NUP93: variants seen among roughly 807,000 people sequenced by gnomAD.
NUP93 encodes nucleoporin 93.
Under a neutral mutation model 107.8 loss-of-function variants are expected in NUP93, and 55 were observed. That is an observed-to-expected ratio of 0.51 (90% CI 0.41 to 0.64). NUP93 has a LOEUF of 0.64. Ranked by LOEUF, NUP93 falls within the 30% of genes least tolerant of loss-of-function variation. The pLI is 0.00. For missense variants in NUP93, 937 were observed against 1,044.7 expected (o/e 0.90, Z 1.42); for synonymous variants, 390 against 397.5 (o/e 0.98, Z 0.22).
chr16:56,834,313 T>C, intron 14 of NUP93, 57 bp from the exon 15 acceptor site: 1 of 1,613,472 alleles, frequency 6.2e-7, no homozygotes, highest in Middle Eastern at 1.6e-4. Flanking sequence ...ATTCTGAGAA[T>C]GACTATTAGA....
chr16:56,783,621 G>A (rs1962561277), intron 3 of NUP93: 3 of 985,382 alleles, frequency 3.0e-6, no homozygotes, highest in Non-Finnish European at 3.6e-6. Context: ...GGATGCCAGC[G>A]CCTTCATCAG....
intron 3 of NUP93, among the ~76,000 whole-genome samples, chr16:56,787,868 T>TA (rs1962663370): frequency 6.6e-6 from 1 of 152,210 alleles, no homozygotes; most frequent in African/African-American, 2.4e-5. Context: ...TATCTTATCT[T>TA]GCCCATCACC....
At chr16:56,804,420 C>T (rs1596817775) in intron 4 of NUP93, among the ~76,000 whole-genome samples, 2 of 152,124 alleles carry the variant, frequency 1.3e-5, no homozygotes, top group African/African-American at 4.8e-5. Flanking sequence ...CTCTTAAGGA[C>T]ATTATGCTGA....
intron 8 of NUP93, among the ~76,000 whole-genome samples, chr16:56,826,797 C>T (rs1423991709): frequency 1.3e-5 from 2 of 151,534 alleles, no homozygotes; most frequent in Non-Finnish European, 2.9e-5. Context: ...TCTGTAATCC[C>T]AGCACTTTGA....
At chr16:56,777,714 C>T (rs956839615) in intron 3 of NUP93, among the ~76,000 whole-genome samples, 1 of 152,110 alleles carries the variant, frequency 6.6e-6, no homozygotes, top group East Asian at 1.9e-4. Context: ...AATGAGGAAG[C>T]CAACTTTGGG....
intron 5 of NUP93, among the ~76,000 whole-genome samples, chr16:56,818,153 A>T (rs1315312158): frequency 6.6e-6 from 1 of 152,226 alleles, no homozygotes; most frequent in African/African-American, 2.4e-5. Flanking sequence ...CTGGTCTCAC[A>T]TCTTCAGATA....
At chr16:56,765,974 T>TA (rs1158589341) in intron 3 of NUP93, among the ~76,000 whole-genome samples, 2 of 120,410 alleles carry the variant, frequency 1.7e-5, no homozygotes, top group East Asian at 3.9e-4. Flanking sequence ...TGAATGGAAT[T>TA]AAAAATGGTA....
At chr16:56,808,737 A>AT (rs386384785) in intron 5 of NUP93, among the ~76,000 whole-genome samples, 2 of 2,702 alleles carry the variant, frequency 7.4e-4, no homozygotes, top group East Asian at 0.25. Flanking sequence ...ATACATATAT[A>AT]AAATACATAT....
At position 56,838,998 on chromosome 16, in the gene NUP93, T is replaced by A. The variant is rs142068906; in HGVS notation, c.2065T>A (p.Phe689Ile). ...ISANKFVDST[F>I]YLLLDLITFF... ...CGCAAATAAATTTGTGGACTCCACG[T>A]TCTATCTTCTTTTGGACTTGATCAC... The change falls in exon 19 of 22, where the codon TTC (phenylalanine) becomes ATC (isoleucine). Residue 689 changes from phenylalanine to isoleucine, a missense_variant. Phe to Ile is a conservative substitution (Grantham distance 21). Coordinates refer to ENST00000308159, the MANE Select transcript of NUP93 (RefSeq NM_014669.5). 7 of 1,614,100 alleles carry A rather than the reference T, an allele frequency of 4.3e-6. No individual in the cohort carries two copies. The highest frequency in any genetic ancestry group is 5.9e-6 in the Non-Finnish European group (7 of 1,180,042).
Position 56,839,053 on chromosome 16 carries a change from T to G in NUP93, c.2120T>G (p.Ile707Ser). The G allele has an allele frequency of 6.2e-7, 1 of 1,611,296 alleles. No homozygotes were observed. The highest frequency in any genetic ancestry group is 8.5e-7 in the Non-Finnish European group (1 of 1,177,622). Residue 707 changes from isoleucine (I) to serine (S), a missense_variant, in exon 19 of 22, where the codon ATT becomes AGT. Physicochemically the swap from Ile to Ser is moderately radical, Grantham distance 142. Coordinates refer to ENST00000308159, the MANE Select transcript of NUP93 (RefSeq NM_014669.5). ...TFFDEYHSGH[I>S]DRAFDIIERL... is the part of the protein sequence containing the mutation. ...TTTGACGAGTATCATAGTGGTCATA[T>G]TGATAGAGCTTTTGATGTAAGTTTC...
intron 1 of NUP93, among the ~76,000 whole-genome samples, chr16:56,738,011 G>T (rs553521794): frequency 6.6e-6 from 1 of 152,234 alleles, no homozygotes; most frequent in Non-Finnish European, 1.5e-5. Context: ...TATGCTAGTT[G>T]TAAGACAGAA....
chr16:56,769,783 T>G (rs1290693380), intron 3 of NUP93, among the ~76,000 whole-genome samples: 1 of 152,244 alleles, frequency 6.6e-6, no homozygotes, highest in Admixed American at 6.5e-5. Flanking sequence ...AAATTTTTAC[T>G]GTAATACTGA....
At chr16:56,750,277 C>T (rs1253973557) in intron 2 of NUP93, among the ~76,000 whole-genome samples, 1 of 152,098 alleles carries the variant, frequency 6.6e-6, no homozygotes, top group East Asian at 1.9e-4. Flanking sequence ...AACCAAAGGG[C>T]TGATGACTGT....
intron 5 of NUP93, among the ~76,000 whole-genome samples, chr16:56,818,229 G>A (rs1185271936): frequency 6.6e-6 from 1 of 152,190 alleles, no homozygotes; most frequent in African/African-American, 2.4e-5. Flanking sequence ...TGAATCAGGT[G>A]TTTGACTCTA....
chr16:56,744,424 G>C (rs1463749057), intron 1 of NUP93, among the ~76,000 whole-genome samples: 2 of 152,132 alleles, frequency 1.3e-5, no homozygotes, highest in African/African-American at 4.8e-5. Flanking sequence ...AGCGCAGTGG[G>C]ATGATTAATA....
intron 3 of NUP93, among the ~76,000 whole-genome samples, chr16:56,796,708 G>A (rs1198703480): frequency 6.6e-6 from 1 of 152,172 alleles, no homozygotes; most frequent in Non-Finnish European, 1.5e-5. Context: ...GCTGGGTACG[G>A]TGGTTCACAC....
intron 5 of NUP93, among the ~76,000 whole-genome samples, chr16:56,815,764 C>T (rs1160868216): frequency 6.6e-6 from 1 of 152,136 alleles, no homozygotes. Context: ...ACCATTACCA[C>T]CCCCACTTTA....
At position 56,836,628 on chromosome 16, in the gene NUP93, GAC is replaced by G. The variant is rs1259439660; in HGVS notation, c.1814_1815del (p.Thr605LysfsTer14). The G allele has an allele frequency of 6.2e-7, 1 of 1,613,598 alleles. No homozygotes were observed. Among genetic ancestry groups the G allele is most frequent in the African/African-American group, 1.3e-5 (1 of 75,036 alleles). ...TGGAGTCATAGATAAGTTTACTAGT[GAC>G]ACAAAGCCTATTATCAACAAAGTTG... ...KPGVIDKFTS[D>X]TKPIINKVAS... On this transcript the variant is annotated frameshift_variant, in exon 17 of 22. Transcript: ENST00000308159. LOFTEE classifies it high-confidence loss of function.
intron 10 of NUP93, 112 bp from the exon 11 acceptor site, chr16:56,831,730 G>C: frequency 9.1e-7 from 1 of 1,099,786 alleles, no homozygotes; most frequent in Non-Finnish European, 1.3e-6. Context: ...TCTTACCCCG[G>C]ATGAAGGAAG....
Sources: gnomAD v4.1 joint callset for allele counts (sites outside exome capture counted in the v4.1 genomes callset) on GRCh38, gnomAD v4.1.1 for gene constraint, MANE v1.5 for transcripts, NCBI Gene and HGNC (gene_info 2026-07-23, HGNC 2026-07-21) for gene names.